KCNJ5: variants seen among roughly 807,000 people sequenced by gnomAD.
KCNJ5 encodes the protein G protein-activated inward rectifier potassium channel 4.
KCNJ5 carries 12 observed loss-of-function variants against 20.2 expected under a neutral mutation model. The observed-to-expected ratio is 0.59, with a 90% CI of 0.38 to 0.96. The LOEUF is 0.96. Ranked by LOEUF, KCNJ5 falls within the 40% of genes least tolerant of loss-of-function variation. The pLI, the probability that KCNJ5 is intolerant of heterozygous loss-of-function variation, is 0.00. For missense variants in KCNJ5, 449 were observed against 557.6 expected (o/e 0.81, Z 1.96); for synonymous variants, 210 against 213.9 (o/e 0.98, Z 0.16).
chr11:128,892,944 T>A (rs1944117871), intron 1 of KCNJ5, among the ~76,000 whole-genome samples: 1 of 152,236 alleles, frequency 6.6e-6, no homozygotes, highest in Non-Finnish European at 1.5e-5. Context: ...AGCACTGCTA[T>A]CTCCAAAACT....
At chr11:128,901,884 C>A (rs981383636) in intron 1 of KCNJ5, 3 of 152,860 alleles carry the variant, frequency 2.0e-5, no homozygotes, top group African/African-American at 7.2e-5. Flanking sequence ...AATCAGAGAA[C>A]GCTGTGTGCA....
In KCNJ5 at chr11:128,920,872, A is replaced by G. The variant is rs11912; in HGVS notation, c.*4141A>G. 126,325 of 152,308 alleles carry G rather than the reference A, an allele frequency of 0.83. 52,462 individuals carry two copies. Among genetic ancestry groups the G allele is most frequent in the East Asian group, 0.9 (4,654 of 5,174 alleles). 9.4% of individuals were successfully genotyped at this position (152,308 alleles called of 1,614,324 possible). On this transcript the variant is annotated 3_prime_UTR_variant, in exon 3 of 3. Coordinates refer to ENST00000529694, the MANE Select transcript of KCNJ5 (RefSeq NM_000890.5). ...GTCGCGCCGATTCACATGCTGTGCCACGGAGCCCCGGCTTCCATCCATGAT... is the reference window on the plus strand; with the variant it reads ...GTCGCGCCGATTCACATGCTGTGCCGCGGAGCCCCGGCTTCCATCCATGAT...
rs1190487893 is a variant in KCNJ5 at position 128,911,979 on chromosome 11, GC to G, written c.708del (p.Lys237SerfsTer16). 6.2e-7 allele frequency: 1 copy of G among 1,603,840 alleles called. No individual in the cohort carries two copies. On this transcript the variant is annotated frameshift_variant, in exon 2 of 3. Coordinates refer to ENST00000529694, the MANE Select transcript of KCNJ5 (RefSeq NM_000890.5). LOFTEE classifies it high-confidence loss of function. The surrounding 1 kb of genome is among the most constrained non-coding windows in gnomAD (Gnocchi z 6.3). ...NSHIVEASIR[A>X]KLIKSRQTKE... ...CCACATCGTGGAGGCCTCCATCCGG[GC>G]CAAGCTCATCAAGTCCCGGCAGACC...
At chr11:128,906,217 C>A (rs888447701) in intron 1 of KCNJ5, among the ~76,000 whole-genome samples, 2 of 152,194 alleles carry the variant, frequency 1.3e-5, no homozygotes, top group Non-Finnish European at 2.9e-5. Flanking sequence ...AATAAAGCAA[C>A]GGAAGCTTAG....
Position 128,917,407 on chromosome 11 carries a change from G to A in KCNJ5, c.*676G>A, listed in dbSNP as rs1286612959. 1 of 152,442 alleles carries A rather than the reference G, an allele frequency of 6.6e-6. No individual in the cohort carries two copies. Among genetic ancestry groups the A allele is most frequent in the Middle Eastern group, 3.1e-3 (1 of 318 alleles). 9.4% of individuals were successfully genotyped at this position (152,442 alleles called of 1,614,324 possible). A position where few individuals can be genotyped will look rare whatever the true frequency, so the allele number is the denominator to read the frequency against. The stretch of plus-strand genomic sequence containing the variant: ...GGTCTCATTAGAGTGACTCTTAGAA[G>A]GTGGCCTGGGACTAGACAGCCCCTC... On this transcript the variant is annotated 3_prime_UTR_variant, in exon 3 of 3. Transcript: ENST00000529694.
chr11:128,906,390 A>G (rs1944416134), intron 1 of KCNJ5, among the ~76,000 whole-genome samples: 2 of 152,172 alleles, frequency 1.3e-5, no homozygotes, highest in Admixed American at 1.3e-4. Context: ...GTGGCTGGAA[A>G]CAGCACCCAC....
chr11:128,898,512 C>T (rs1459431152), intron 1 of KCNJ5, among the ~76,000 whole-genome samples: 1 of 152,258 alleles, frequency 6.6e-6, no homozygotes. Context: ...TGGCAAGCGC[C>T]AAGATGCAGT....
intron 2 of KCNJ5, among the ~76,000 whole-genome samples, chr11:128,916,107 TGGA>T (rs1944576068): frequency 2.1e-5 from 1 of 47,340 alleles, no homozygotes; most frequent in African/African-American, 2.3e-4. Context: ...GATAATTGGA[TGGA>T]TGGATGGATG....
At chr11:128,906,219 G>T (rs1199458741) in intron 1 of KCNJ5, among the ~76,000 whole-genome samples, 2 of 152,180 alleles carry the variant, frequency 1.3e-5, no homozygotes, top group Non-Finnish European at 2.9e-5. Flanking sequence ...TAAAGCAACG[G>T]AAGCTTAGAG....
chr11:128,897,694 G>T (rs946569632), intron 1 of KCNJ5, among the ~76,000 whole-genome samples: 4 of 152,126 alleles, frequency 2.6e-5, no homozygotes, highest in African/African-American at 9.7e-5. Flanking sequence ...CTTATGGATT[G>T]TGCTTTTCTT....
chr11:128,908,163 C>A (rs180917943), intron 1 of KCNJ5, among the ~76,000 whole-genome samples: 131 of 152,352 alleles, frequency 8.6e-4, no homozygotes, highest in African/African-American at 3.0e-3. Context: ...ATCTCTACCT[C>A]TCTTTCTTCA....
chr11:128,896,938 G>A lies in KCNJ5; in HGVS notation c.-11+5217G>A, dbSNP rs939960668. Among the ~76,000 whole-genome samples the A allele has an allele frequency of 2.6e-5, 4 of 151,648 alleles. No individual in the cohort carries two copies. The South Asian group carries it at 8.3e-4, about 32-fold the overall frequency. On this transcript the variant is annotated intron_variant, in intron 1 of 2. Transcript: ENST00000529694. ...TCCAGCTGTTTTCCATTGTGACTAT[G>A]CCACTTTACACTCCCACCAACACTG...
chr11:128,918,054 C>CAAAA lies in KCNJ5; in HGVS notation c.*1334_*1337dup. Reference sequence around the variant, plus strand: ...TGGGCGACAGAGCGAGACTCCATCTCAAAAAAAAAAAAAACATCAGCATCT... The same window carrying CAAAA: ...TGGGCGACAGAGCGAGACTCCATCTCAAAAAAAAAAAAAAAAAACATCAGCATCT... On this transcript the variant is annotated 3_prime_UTR_variant, in exon 3 of 3. Transcript: ENST00000529694. The CAAAA allele has an allele frequency of 1.0e-5, 1 of 97,338 alleles. No homozygotes were observed. Among genetic ancestry groups the CAAAA allele is most frequent in the Non-Finnish European group, 2.1e-5 (1 of 48,396 alleles). The allele number at this position is 97,338 out of a possible 1,614,324, so 6.0% of individuals were successfully genotyped here. A position where few individuals can be genotyped will look rare whatever the true frequency, so the allele number is the denominator to read the frequency against.
chr11:128,902,793 A>G, intron 1 of KCNJ5: 1 of 1,464,010 alleles, frequency 6.8e-7, no homozygotes, highest in South Asian at 1.3e-5. Flanking sequence ...AGCCTAACTC[A>G]CAACGCAGCC....
At chr11:128,897,796 C>T (rs1460889925) in intron 1 of KCNJ5, among the ~76,000 whole-genome samples, 2 of 152,190 alleles carry the variant, frequency 1.3e-5, no homozygotes, top group East Asian at 1.9e-4. Flanking sequence ...TATTTAAGTT[C>T]ATGATCCATT....
chr11:128,902,366 T>C, intron 1 of KCNJ5: 1 of 694,502 alleles, frequency 1.4e-6, no homozygotes, highest in Non-Finnish European at 2.4e-6. Flanking sequence ...GAGACCATTT[T>C]TACTGTTGGT....
chr11:128,895,388 C>CG (rs931834935), intron 1 of KCNJ5, among the ~76,000 whole-genome samples: 27 of 147,554 alleles, frequency 1.8e-4, no homozygotes, highest in African/African-American at 5.8e-4. Context: ...CCCCACCCCC[C>CG]CCCCAACCCC....
intron 1 of KCNJ5, among the ~76,000 whole-genome samples, chr11:128,898,407 G>A (rs2135984233): frequency 6.6e-6 from 1 of 152,322 alleles, no homozygotes; most frequent in South Asian, 2.1e-4. Context: ...TAGTCTTTCA[G>A]ACCTTCAGTT....
At chr11:128,901,340 A>G (rs547257280) in intron 1 of KCNJ5, 44 of 152,388 alleles carry the variant, frequency 2.9e-4, no homozygotes, top group African/African-American at 9.4e-4. Context: ...TGAGCTGATC[A>G]AGTGTGTTAA....
Sources: gnomAD v4.1 joint callset for allele counts (sites outside exome capture counted in the v4.1 genomes callset) on GRCh38, gnomAD v4.1.1 for gene constraint, Gnocchi (gnomAD v3.1) non-coding constraint, MANE v1.5 for transcripts, NCBI Gene and HGNC (gene_info 2026-07-23, HGNC 2026-07-21) for gene names.